FAM20B: variants seen among roughly 807,000 people sequenced by gnomAD.
FAM20B encodes FAM20B glycosaminoglycan xylosylkinase.
Under a neutral mutation model 43.8 loss-of-function variants are expected in FAM20B, and 23 were observed. The observed-to-expected ratio is 0.53, with a 90% CI of 0.38 to 0.74. The LOEUF is 0.74. Among genes scored for constraint, FAM20B ranks in the 30% least tolerant of loss-of-function variants. The pLI is 0.00. For synonymous variants in FAM20B, 178 were observed against 192.4 expected, an observed-to-expected ratio of 0.93 and a Z score of 0.62; for missense variants, 440 against 510.5, an observed-to-expected ratio of 0.86 and a Z score of 1.33.
intron 1 of FAM20B, among the ~76,000 whole-genome samples, chr1:179,035,969 A>C (rs1650211976): frequency 6.6e-6 from 1 of 152,114 alleles, no homozygotes; most frequent in African/African-American, 2.4e-5. Context: ...GTCTCTACTA[A>C]AAATACAAAA....
chr1:179,036,881 T>C (rs1410997388), intron 1 of FAM20B, among the ~76,000 whole-genome samples: 3 of 152,156 alleles, frequency 2.0e-5, no homozygotes, highest in Admixed American at 1.3e-4. Context: ...GAGATGAGCC[T>C]TGAAAGGAGG....
At chr1:179,054,470 GTTAC>G (rs1362645993) in intron 3 of FAM20B, 55 bp from the exon 4 acceptor site, 10 of 1,064,856 alleles carry the variant, frequency 9.4e-6, no homozygotes, top group African/African-American at 1.6e-5. Context: ...TTTTAAGACT[GTTAC>G]TTAAAAAACA....
chr1:179,054,724 T>C, intron 4 of FAM20B, 86 bp downstream of exon 4: 1 of 790,246 alleles, frequency 1.3e-6, no homozygotes, highest in Non-Finnish European at 2.1e-6. Flanking sequence ...CTCATGACTT[T>C]TAGGAATTGA....
chr1:179,017,621 T>C, the FAM20B span, among the ~76,000 whole-genome samples: 5 of 152,228 alleles, frequency 3.3e-5, no homozygotes, highest in African/African-American at 1.2e-4. Context: ...TCTGTGTCAT[T>C]ATGTCATTCT....
At chr1:179,032,211 T>C (rs1650041683) in intron 1 of FAM20B, among the ~76,000 whole-genome samples, 1 of 152,102 alleles carries the variant, frequency 6.6e-6, no homozygotes, top group Non-Finnish European at 1.5e-5. Flanking sequence ...TTCTCCTCTC[T>C]GGAGGTCATC....
At chr1:179,068,733 C>G (rs752973543) in intron 7 of FAM20B, among the ~76,000 whole-genome samples, 91 of 152,118 alleles carry the variant, frequency 6.0e-4, no homozygotes, top group Non-Finnish European at 7.5e-4. Flanking sequence ...TGCGCCCGAC[C>G]CAATATAAAG....
chr1:179,061,720 A>AT (rs1329035692), intron 4 of FAM20B, among the ~76,000 whole-genome samples: 2 of 151,894 alleles, frequency 1.3e-5, no homozygotes, highest in East Asian at 1.9e-4. Flanking sequence ...TCAAATGATG[A>AT]TTTTTTTCAT....
At chr1:179,035,349 T>G in intron 1 of FAM20B, 1 of 693,640 alleles carries the variant, frequency 1.4e-6, no homozygotes, top group Non-Finnish European at 2.7e-6. Flanking sequence ...CACCCACAGG[T>G]CTAAATCGGG....
intron 6 of FAM20B, 41 bp downstream of exon 6, chr1:179,064,537 G>C: frequency 6.6e-7 from 1 of 1,505,716 alleles, no homozygotes; most frequent in Non-Finnish European, 9.1e-7. Context: ...AGGGGTTTCT[G>C]TATATGAAAG....
intron 2 of FAM20B, among the ~76,000 whole-genome samples, chr1:179,044,755 A>G (rs1055522741): frequency 6.6e-6 from 1 of 152,258 alleles, no homozygotes; most frequent in African/African-American, 2.4e-5. Context: ...TAAAGCTGCT[A>G]TAAACATCCA....
chr1:179,049,750 C>T (rs1446215944), intron 2 of FAM20B, among the ~76,000 whole-genome samples: 1 of 152,212 alleles, frequency 6.6e-6, no homozygotes, highest in Non-Finnish European at 1.5e-5. Context: ...CCATGTTGGC[C>T]AGGCTGTTCT....
intron 7 of FAM20B, among the ~76,000 whole-genome samples, chr1:179,070,789 G>A (rs1651890430): frequency 6.6e-6 from 1 of 151,614 alleles, no homozygotes; most frequent in African/African-American, 2.4e-5. Flanking sequence ...AAAGTGTTGG[G>A]ATTACAGATG....
At chr1:179,019,646 G>C in the FAM20B span, among the ~76,000 whole-genome samples, 10 of 152,018 alleles carry the variant, frequency 6.6e-5, no homozygotes, top group Middle Eastern at 6.3e-3. Context: ...ATTTTTAGTA[G>C]AGATGGGGTT....
intron 4 of FAM20B, among the ~76,000 whole-genome samples, chr1:179,061,468 G>A (rs1651462200): frequency 6.6e-6 from 1 of 151,522 alleles, no homozygotes; most frequent in Non-Finnish European, 1.5e-5. Context: ...GCAGTGGCAC[G>A]ATGATGGCCC....
chr1:179,075,400 C>T lies in FAM20B; in HGVS notation c.*3256C>T, dbSNP rs548239940. ...TCAGAACTCATGGCCATTTCCTGCCCTCCTCCAACTTGTTAAAACATGTTT... is the reference window on the plus strand; with the variant it reads ...TCAGAACTCATGGCCATTTCCTGCCTTCCTCCAACTTGTTAAAACATGTTT... On this transcript the variant is annotated 3_prime_UTR_variant, in exon 8 of 8. Transcript: ENST00000263733. 6.6e-6 allele frequency: 1 copy of T among 152,354 alleles called. No homozygotes were observed. Among genetic ancestry groups the T allele is most frequent in the East Asian group, 1.9e-4 (1 of 5,184 alleles). 9.4% of individuals were successfully genotyped at this position (152,354 alleles called of 1,614,324 possible).
intron 2 of FAM20B, among the ~76,000 whole-genome samples, chr1:179,047,411 C>T (rs1650817459): frequency 1.3e-5 from 2 of 152,194 alleles, no homozygotes; most frequent in African/African-American, 4.8e-5. Context: ...CCAGCCTCCA[C>T]AGCCTAAGGT....
At chr1:179,027,638 T>C (rs576021878) in intron 1 of FAM20B, among the ~76,000 whole-genome samples, 1 of 152,352 alleles carries the variant, frequency 6.6e-6, no homozygotes, top group South Asian at 2.1e-4. Flanking sequence ...ATTCAGACTC[T>C]CAGCCTCACT....
chr1:179,049,317 T>A (rs1650903722), intron 2 of FAM20B, among the ~76,000 whole-genome samples: 1 of 152,096 alleles, frequency 6.6e-6, no homozygotes, highest in Admixed American at 6.5e-5. Context: ...TGCTCAAGCT[T>A]ACCCAGTCAA....
chr1:179,053,170 G>A (rs978142720), intron 3 of FAM20B, among the ~76,000 whole-genome samples: 2 of 152,136 alleles, frequency 1.3e-5, no homozygotes, highest in African/African-American at 4.8e-5. Flanking sequence ...CTTGCCAGTC[G>A]CCCTGTCACT....
Sources: allele counts gnomAD v4.1 joint callset (sites outside exome capture counted in the v4.1 genomes callset), GRCh38; gene constraint gnomAD v4.1.1; transcripts MANE v1.5; gene names NCBI Gene and HGNC (gene_info 2026-07-23, HGNC 2026-07-21).